VIT: variants seen among roughly 807,000 people sequenced by gnomAD.
VIT encodes the protein vitrin.
In VIT, 99 loss-of-function variants were observed where a neutral mutation model predicts 78.0. The ratio of observed to expected loss-of-function variants is 1.27; its 90% confidence interval spans 1.08 to 1.50. The LOEUF (loss-of-function observed/expected upper bound fraction) is 1.50. Among genes scored for constraint, VIT ranks in the 40% most tolerant of loss-of-function variants. The pLI, the probability that VIT is intolerant of heterozygous loss-of-function variation, is 0.00. For missense variants in VIT, 1,126 were observed against 875.3 expected, an observed-to-expected ratio of 1.29 and a Z score of -3.61; for synonymous variants, 374 against 334.3, an observed-to-expected ratio of 1.12 and a Z score of -1.29.
intron 2 of VIT, among the ~76,000 whole-genome samples, chr2:36,721,119 T>C (rs12104806): frequency 0.028 from 4,269 of 152,260 alleles, 216 homozygotes; most frequent in African/African-American, 0.099. Context: ...TACTTGAAAT[T>C]TGCTAAGAGA....
chr2:36,751,024 C>A (rs1420534809), intron 4 of VIT, among the ~76,000 whole-genome samples: 2 of 152,104 alleles, frequency 1.3e-5, no homozygotes, highest in South Asian at 4.1e-4. Flanking sequence ...CTTTGGGAGG[C>A]CAAGGCGGGA....
In VIT at chr2:36,812,860, TC is replaced by T. The variant is rs1464464329; in HGVS notation, c.1904-1322del. ...GTGTCTTGGTTTTGTTTTTTCTTCTTCTTTTTTTTTTTTTTTTTGAGATGGA... is the reference window on the plus strand; with the variant it reads ...GTGTCTTGGTTTTGTTTTTTCTTCTTTTTTTTTTTTTTTTTTTGAGATGGA... On this transcript the variant is annotated intron_variant, in intron 15 of 15. Coordinates refer to ENST00000379242, the MANE Select transcript of VIT (RefSeq NM_053276.4). 3.0e-3 allele frequency among the ~76,000 whole-genome samples: 358 copies of T among 117,778 alleles called. 3 individuals carry two copies. The highest frequency in any genetic ancestry group is 0.011 in the African/African-American group (347 of 32,272). The allele number at this position is 117,778 out of a possible 152,430, so 77.3% of individuals were successfully genotyped here.
chr2:36,805,176 C>T (rs779057176), intron 13 of VIT, among the ~76,000 whole-genome samples: 4 of 151,800 alleles, frequency 2.6e-5, no homozygotes, highest in Non-Finnish European at 5.9e-5. Flanking sequence ...CAGTGGCACA[C>T]GCCTGTAGTC....
At chr2:36,794,529 A>G (rs758059617) in intron 12 of VIT, among the ~76,000 whole-genome samples, 3 of 152,184 alleles carry the variant, frequency 2.0e-5, no homozygotes, top group Non-Finnish European at 4.4e-5. Context: ...CCTGCCACGG[A>G]CTGCAGATTC....
chr2:36,813,808 C>T lies in VIT; in HGVS notation c.1904-375C>T, dbSNP rs1451112295. ...TGTCATGTATTCTGATCTGCATGGCCCCAAAAGTTTCACTTGTCCCAAAAT... is the reference window on the plus strand; with the variant it reads ...TGTCATGTATTCTGATCTGCATGGCTCCAAAAGTTTCACTTGTCCCAAAAT... On this transcript the variant is annotated intron_variant, in intron 15 of 15. Coordinates refer to ENST00000379242, the MANE Select transcript of VIT (RefSeq NM_053276.4). Among the ~76,000 whole-genome samples, 3 of 152,138 alleles carry T rather than the reference C, an allele frequency of 2.0e-5. No individual in the cohort carries two copies. In the East Asian group the frequency reaches 5.8e-4, roughly 29 times the overall value.
intron 15 of VIT, among the ~76,000 whole-genome samples, chr2:36,810,209 T>C (rs958343449): frequency 6.6e-5 from 10 of 152,124 alleles, no homozygotes; most frequent in Non-Finnish European, 1.2e-4. Flanking sequence ...GAGAATTGCT[T>C]GAACCCCAGA....
intron 6 of VIT, among the ~76,000 whole-genome samples, chr2:36,766,523 C>A (rs1669440513): frequency 6.6e-6 from 1 of 152,004 alleles, no homozygotes; most frequent in African/African-American, 2.4e-5. Flanking sequence ...AGAGCAAGAT[C>A]CTGTCTCAAA....
intron 2 of VIT, among the ~76,000 whole-genome samples, chr2:36,726,830 A>C (rs954023224): frequency 1.4e-5 from 2 of 146,908 alleles, no homozygotes; most frequent in Non-Finnish European, 3.0e-5. Flanking sequence ...AAAAAAAAAA[A>C]AAAAAAAAAA....
At position 36,725,450 on chromosome 2, in the gene VIT, G is replaced by T. The variant is rs1185955711; in HGVS notation, c.53-3976G>T. On this transcript the variant is annotated intron_variant, in intron 2 of 15. Coordinates refer to ENST00000379242, the MANE Select transcript of VIT (RefSeq NM_053276.4). ...TTTGCTGTGTCCTCACATGACAGAAGAGGCAAACTAGCTCTCTGGGGCCCC... is the reference window on the plus strand; with the variant it reads ...TTTGCTGTGTCCTCACATGACAGAATAGGCAAACTAGCTCTCTGGGGCCCC... Among the ~76,000 whole-genome samples, 2 of 152,018 alleles carry T rather than the reference G, an allele frequency of 1.3e-5. 1 individual carries two copies. The highest frequency in any genetic ancestry group is 2.9e-5 in the Non-Finnish European group (2 of 67,994).
intron 4 of VIT, among the ~76,000 whole-genome samples, chr2:36,753,572 G>A (rs1226519712): frequency 6.6e-6 from 1 of 152,190 alleles, no homozygotes; most frequent in Non-Finnish European, 1.5e-5. Flanking sequence ...AAGGAGGGAA[G>A]GAGGTAGCAA....
chr2:36,703,189 T>C (rs1665175328), intron 1 of VIT, among the ~76,000 whole-genome samples: 1 of 152,162 alleles, frequency 6.6e-6, no homozygotes, highest in African/African-American at 2.4e-5. Context: ...AGAACCAAGA[T>C]CTCTGGCTGA....
chr2:36,742,726 A>C (rs1667909735), intron 3 of VIT, among the ~76,000 whole-genome samples: 1 of 152,084 alleles, frequency 6.6e-6, no homozygotes. Context: ...TCCTTTTGTA[A>C]GGCTGGGTTA....
intron 12 of VIT, chr2:36,788,076 T>C (rs1329604107): frequency 3.6e-6 from 1 of 274,942 alleles, no homozygotes; most frequent in Non-Finnish European, 7.1e-6. Flanking sequence ...CTTAAATTTA[T>C]ACACACATCT....
intron 1 of VIT, among the ~76,000 whole-genome samples, chr2:36,709,643 T>C (rs1195698805): frequency 1.3e-5 from 2 of 152,142 alleles, no homozygotes; most frequent in Admixed American, 1.3e-4. Flanking sequence ...GCCCAGGAGC[T>C]GAAGCTTGAA....
chr2:36,754,816 T>A (rs112298536), intron 4 of VIT, 105 bp from the exon 5 acceptor site: 3 of 1,331,992 alleles, frequency 2.3e-6, no homozygotes, highest in African/African-American at 2.9e-5. Context: ...TTAACCTTGC[T>A]GCTTTCCTAT....
At chr2:36,733,875 G>A (rs1297889333) in intron 3 of VIT, among the ~76,000 whole-genome samples, 1 of 152,178 alleles carries the variant, frequency 6.6e-6, no homozygotes, top group African/African-American at 2.4e-5. Flanking sequence ...AATAAAAAAA[G>A]CTTGATCATC....
In VIT at chr2:36,814,253, C is replaced by A; in HGVS notation, c.1974C>A (p.Pro658=). 1 of 1,614,226 alleles carries A rather than the reference C, an allele frequency of 6.2e-7. No individual in the cohort carries two copies. Among genetic ancestry groups the A allele is most frequent in the South Asian group, 1.1e-5 (1 of 91,084 alleles). ...QEELEVIATH[P]ARDHSFFVDE... Reference sequence around the variant, plus strand: ...AGCTAGAAGTCATTGCCACTCACCCCGCCAGAGACCACTCCTTCTTTGTGG... The same window carrying A: ...AGCTAGAAGTCATTGCCACTCACCCAGCCAGAGACCACTCCTTCTTTGTGG... The change falls in exon 16 of 16, where the codon CCC becomes CCA. Residue 658 remains proline (P), a synonymous_variant. Coordinates refer to ENST00000379242, the MANE Select transcript of VIT (RefSeq NM_053276.4).
chr2:36,703,877 C>G (rs913061430), intron 1 of VIT, among the ~76,000 whole-genome samples: 1 of 149,450 alleles, frequency 6.7e-6, no homozygotes, highest in African/African-American at 2.5e-5. Context: ...ATTCTGTAAG[C>G]TTGGGCAGGT....
intron 15 of VIT, among the ~76,000 whole-genome samples, chr2:36,813,324 C>T (rs1667323338): frequency 6.6e-6 from 1 of 152,004 alleles, no homozygotes; most frequent in Non-Finnish European, 1.5e-5. Context: ...GTGGCACATG[C>T]TGTAATCCTA....
Sources: gnomAD v4.1 joint callset for allele counts (sites outside exome capture counted in the v4.1 genomes callset) on GRCh38, gnomAD v4.1.1 for gene constraint, MANE v1.5 for transcripts, NCBI Gene and HGNC (gene_info 2026-07-23, HGNC 2026-07-21) for gene names.